Variants in ACACA observed in about 807,000 individuals in gnomAD.
ACACA encodes the protein acetyl-CoA carboxylase 1.
ACACA carries 103 observed loss-of-function variants against 296.1 expected under a neutral mutation model. That is an observed-to-expected ratio of 0.35 (90% confidence interval 0.30 to 0.41). The LOEUF (loss-of-function observed/expected upper bound fraction) is 0.41, where lower values mean the gene tolerates loss of function less well. ACACA is among the 10% of genes least tolerant of loss of function. The probability of loss-of-function intolerance (pLI) is 1.00; values close to 1 mark genes in which losing one functional copy is unlikely to be tolerated. For missense variants in ACACA, 1,554 were observed against 2,989.7 expected (o/e 0.52, Z 11.20); for synonymous variants, 953 against 1,038.6 (o/e 0.92, Z 1.58).
Position 37,263,857 on chromosome 17 carries a change from A to T in ACACA, c.1157T>A (p.Met386Lys). Residue 386 changes from methionine to lysine, a missense_variant, in exon 11 of 56, where the codon ATG becomes AAG. This residue lies in a region of ACACA where 82 missense variants were observed against 185.2 expected (regional missense o/e 0.44). Transcript: ENST00000616317. Reference protein sequence around the residue: ...AEVPGSPIFVMRLAKQSRHLE... With the variant: ...AEVPGSPIFVKRLAKQSRHLE... Reference sequence around the variant, plus strand: ...ATGACGAGATTGTTTGGCTAGTCTCATCACAAATATGGGAGATCCAGGAAC... The same window carrying T: ...ATGACGAGATTGTTTGGCTAGTCTCTTCACAAATATGGGAGATCCAGGAAC... 6.2e-7 allele frequency: 1 copy of T among 1,614,040 alleles called. No homozygotes were observed. Among genetic ancestry groups the T allele is most frequent in the Non-Finnish European group, 8.5e-7 (1 of 1,179,970 alleles).
intron 36 of ACACA, 137 bp downstream of exon 36, chr17:37,193,237 A>T: frequency 1.4e-6 from 1 of 691,856 alleles, no homozygotes; most frequent in South Asian, 1.8e-5. Flanking sequence ...TCTAAGACAC[A>T]TGTAAGGCAA....
chr17:37,384,530 A>G (rs2050442767), intron 1 of ACACA, among the ~76,000 whole-genome samples: 1 of 152,126 alleles, frequency 6.6e-6, no homozygotes, highest in African/African-American at 2.4e-5. Flanking sequence ...TAGGTAGAGC[A>G]AGTATTATTT....
chr17:37,193,047 A>G (rs902262122), intron 36 of ACACA, among the ~76,000 whole-genome samples: 3 of 152,200 alleles, frequency 2.0e-5, no homozygotes, highest in Admixed American at 2.0e-4. Flanking sequence ...AAATTCACAT[A>G]AAGTAGAGTT....
At chr17:37,254,754 TG>T (rs2081149500) in intron 14 of ACACA, among the ~76,000 whole-genome samples, 1 of 151,690 alleles carries the variant, frequency 6.6e-6, no homozygotes, top group African/African-American at 2.4e-5. Flanking sequence ...GAGGCCGAGT[TG>T]GGCAGATCAC....
At chr17:37,171,858 A>C (rs2076894942) in intron 41 of ACACA, among the ~76,000 whole-genome samples, 1 of 152,202 alleles carries the variant, frequency 6.6e-6, no homozygotes, top group African/African-American at 2.4e-5. Flanking sequence ...ATTATTTTTT[A>C]ACAAACATGC....
At chr17:37,099,559 C>T (rs367804907) in intron 52 of ACACA, among the ~76,000 whole-genome samples, 6,101 of 81,284 alleles carry the variant, frequency 0.075, 36 homozygotes, top group African/African-American at 0.13. Context: ...GGGCTGATGG[C>T]AGGAGGGCTG....
chr17:37,273,451 T>C (rs1207841560), intron 9 of ACACA, among the ~76,000 whole-genome samples: 1 of 152,218 alleles, frequency 6.6e-6, no homozygotes, highest in Admixed American at 6.5e-5. Context: ...TCTTTCTTGG[T>C]TCACTCCCTT....
At chr17:37,368,862 C>T (rs188792850) in intron 1 of ACACA, 81 of 152,250 alleles carry the variant, frequency 5.3e-4, no homozygotes, top group Admixed American at 1.4e-3. Context: ...GCATATATTA[C>T]AAGTAGGAGT....
chr17:37,348,045 C>T (rs1252128070), intron 1 of ACACA, among the ~76,000 whole-genome samples: 4 of 151,698 alleles, frequency 2.6e-5, no homozygotes, highest in Middle Eastern at 3.2e-3. Flanking sequence ...TGGTGCTACA[C>T]GCCTGTAATC....
chr17:37,391,755 A>T (rs113066483), intron 1 of ACACA: 1 of 1,562,878 alleles, frequency 6.4e-7, no homozygotes, highest in Non-Finnish European at 8.8e-7. Flanking sequence ...AGACTGAATG[A>T]TACTACACAG....
chr17:37,370,711 G>C (rs901522090), intron 1 of ACACA, among the ~76,000 whole-genome samples: 1 of 151,396 alleles, frequency 6.6e-6, no homozygotes, highest in Non-Finnish European at 1.5e-5. Flanking sequence ...GGCCAGGTAC[G>C]GTGACTCATC....
chr17:37,299,988 C>T (rs1020220016), intron 3 of ACACA, among the ~76,000 whole-genome samples: 4 of 152,094 alleles, frequency 2.6e-5, no homozygotes, highest in African/African-American at 9.7e-5. Context: ...AGGAAACACG[C>T]CACTACTAGG....
At chr17:37,245,907 C>CTT (rs2080674319) in intron 19 of ACACA, among the ~76,000 whole-genome samples, 2 of 152,158 alleles carry the variant, frequency 1.3e-5, no homozygotes, top group African/African-American at 4.8e-5. Context: ...CACATTACTT[C>CTT]TTTAGCACCT....
chr17:37,169,799 T>G (rs1235327722), intron 41 of ACACA, among the ~76,000 whole-genome samples: 1 of 152,154 alleles, frequency 6.6e-6, no homozygotes, highest in Non-Finnish European at 1.5e-5. Context: ...TCTCTTTCTC[T>G]CCAACATTTT....
At chr17:37,178,669 T>A (rs2077207593) in intron 41 of ACACA, among the ~76,000 whole-genome samples, 1 of 151,996 alleles carries the variant, frequency 6.6e-6, no homozygotes. Flanking sequence ...AGTGTAGTGG[T>A]GCACACCTGT....
rs142792273 is a variant in ACACA, at chr17:37,229,285, T to C, written c.3247-2833A>G. Among the ~76,000 whole-genome samples, 1,095 of 152,294 alleles carry C rather than the reference T, an allele frequency of 7.2e-3. 9 individuals carry two copies. The highest frequency in any genetic ancestry group is 0.02 in the Middle Eastern group (6 of 294). Reference sequence around the variant, plus strand: ...AAAATGGAGTTATCCTCTTGCATAGTTACAGATCATGTTTTGTTCTGTTTT... The same window carrying C: ...AAAATGGAGTTATCCTCTTGCATAGCTACAGATCATGTTTTGTTCTGTTTT... On this transcript the variant is annotated intron_variant, in intron 25 of 55. Coordinates refer to ENST00000616317, the MANE Select transcript of ACACA (RefSeq NM_198834.3).
At chr17:37,331,094 CATTTATTTATTT>C (rs34937895) in intron 2 of ACACA, among the ~76,000 whole-genome samples, 2,144 of 146,260 alleles carry the variant, frequency 0.015, 53 homozygotes, top group African/African-American at 0.05. Context: ...TTTTATTTTT[CATTTATTTATTT>C]ATTTATTTAT....
At chr17:37,321,576 C>T (rs554547185) in intron 3 of ACACA, among the ~76,000 whole-genome samples, 12 of 152,060 alleles carry the variant, frequency 7.9e-5, no homozygotes, top group African/African-American at 2.7e-4. Context: ...AGAGAAACCC[C>T]GTCTCTACTA....
rs1467218620 is a variant in ACACA, at chr17:37,260,282, ATATATATATATATATTTT to A, written c.1330-770_1330-753del. Among the ~76,000 whole-genome samples, 20 of 35,604 alleles carry A rather than the reference ATATATATATATATATTTT, an allele frequency of 5.6e-4. 2 individuals are homozygous for A. The highest frequency in any genetic ancestry group is 2.9e-3 in the East Asian group (2 of 700). The allele number at this position is 35,604 out of a possible 152,430, so 23.4% of individuals were successfully genotyped here. The stretch of plus-strand genomic sequence containing the variant: ...TATATATATATATATATATATATAT[ATATATATATATATATTTT>A]TTTTTTTTTTTTTTTTGGAGATGGA... On this transcript the variant is annotated intron_variant, in intron 11 of 55. Transcript: ENST00000616317.
Sources: gnomAD v4.1 joint callset for allele counts (sites outside exome capture counted in the v4.1 genomes callset) on GRCh38, gnomAD v4.1.1 for gene constraint, gnomAD v4.1.1 regional missense constraint, MANE v1.5 for transcripts, NCBI Gene and HGNC (gene_info 2026-07-23, HGNC 2026-07-21) for gene names.